SGCZ: variants seen among roughly 807,000 people sequenced by gnomAD.
The protein encoded by SGCZ is zeta-sarcoglycan.
A neutral mutation model predicts 41.3 loss-of-function variants in SGCZ; 40 were observed. The observed-to-expected ratio is 0.97, with a 90% CI of 0.75 to 1.26. SGCZ has a LOEUF of 1.26. Among genes scored for constraint, SGCZ ranks in the 50% most tolerant of loss-of-function variants. The probability of loss-of-function intolerance (pLI) is 0.00; values close to 1 mark genes in which losing one functional copy is unlikely to be tolerated. For synonymous variants in SGCZ, 206 were observed against 137.5 expected (o/e 1.50, Z -3.49); for missense variants, 552 against 369.8 (o/e 1.49, Z -4.04).
chr8:14,463,153 C>A (rs550340917), intron 2 of SGCZ, among the ~76,000 whole-genome samples: 1 of 151,378 alleles, frequency 6.6e-6, no homozygotes, highest in Non-Finnish European at 1.5e-5. Context: ...TTCTTCCTTT[C>A]CAATTTGTCA....
chr8:14,470,531 A>C (rs929181980), intron 2 of SGCZ, among the ~76,000 whole-genome samples: 2 of 152,142 alleles, frequency 1.3e-5, no homozygotes, highest in Non-Finnish European at 2.9e-5. Context: ...TTAATTCCAG[A>C]CCCAATATTC....
chr8:14,253,976 G>T (rs77688943), intron 3 of SGCZ, among the ~76,000 whole-genome samples: 3,051 of 151,844 alleles, frequency 0.02, 31 homozygotes, highest in East Asian at 0.035. Context: ...GCAATCTGAA[G>T]AACAAACATA....
intron 1 of SGCZ, among the ~76,000 whole-genome samples, chr8:15,103,507 G>T (rs1042738294): frequency 6.6e-6 from 1 of 152,090 alleles, no homozygotes; most frequent in Non-Finnish European, 1.5e-5. Context: ...AATAAAAAGA[G>T]AGAGTTATCA....
chr8:14,109,654 A>G (rs1802315354), intron 5 of SGCZ, among the ~76,000 whole-genome samples: 1 of 152,228 alleles, frequency 6.6e-6, no homozygotes, highest in Non-Finnish European at 1.5e-5. Context: ...TGAAATTGCC[A>G]CTAGGAAATT....
At chr8:14,747,703 A>ATTTG (rs1239445993) in intron 1 of SGCZ, among the ~76,000 whole-genome samples, 1 of 89,180 alleles carries the variant, frequency 1.1e-5, no homozygotes, top group East Asian at 3.0e-4. Flanking sequence ...GTGTGTGTGT[A>ATTTG]TTTGTGTGTG....
chr8:14,385,652 T>C (rs1804549524), intron 2 of SGCZ, among the ~76,000 whole-genome samples: 3 of 152,170 alleles, frequency 2.0e-5, no homozygotes, highest in Admixed American at 2.0e-4. Flanking sequence ...TTTTGTAACT[T>C]ATACTATGAG....
Position 15,210,417 on chromosome 8 carries a change from T to A in SGCZ, c.39+27168A>T, listed in dbSNP as rs534522621. Among the ~76,000 whole-genome samples the A allele has an allele frequency of 5.6e-4, 86 of 152,292 alleles. 1 individual carries two copies. The highest frequency in any genetic ancestry group is 3.4e-3 in the Middle Eastern group (1 of 294). ...TCTTCAGTTTCCGTAATACTGTTCC[T>A]TCTCCAATTTCCCACTGTGTCCTTT... On this transcript the variant is annotated intron_variant, in intron 1 of 7. Coordinates refer to ENST00000382080, the MANE Select transcript of SGCZ (RefSeq NM_139167.4).
At chr8:15,137,917 C>T (rs1442508518) in intron 1 of SGCZ, among the ~76,000 whole-genome samples, 1 of 152,256 alleles carries the variant, frequency 6.6e-6, no homozygotes, top group East Asian at 1.9e-4. Context: ...CCTCCAGACC[C>T]CAGAATGGTA....
At chr8:14,294,896 TAAC>T (rs1424700173) in intron 3 of SGCZ, among the ~76,000 whole-genome samples, 1 of 152,038 alleles carries the variant, frequency 6.6e-6, no homozygotes, top group Non-Finnish European at 1.5e-5. Context: ...ATAATAATAA[TAAC>T]AACAATTCTG....
At chr8:15,174,020 T>C (rs935407494) in intron 1 of SGCZ, among the ~76,000 whole-genome samples, 5 of 152,160 alleles carry the variant, frequency 3.3e-5, no homozygotes. Flanking sequence ...CTGCACCCGT[T>C]ATACTTTATT....
At chr8:14,946,674 T>C (rs528568655) in intron 1 of SGCZ, among the ~76,000 whole-genome samples, 30 of 107,416 alleles carry the variant, frequency 2.8e-4, no homozygotes, top group African/African-American at 8.7e-4. Context: ...TAGAAATCTG[T>C]ATTTTTTTTT....
intron 1 of SGCZ, among the ~76,000 whole-genome samples, chr8:14,915,725 G>A (rs551506402): frequency 6.6e-6 from 1 of 152,078 alleles, no homozygotes; most frequent in Non-Finnish European, 1.5e-5. Context: ...TCTCCAGCCT[G>A]CCTATAAAAT....
chr8:14,861,771 G>A (rs1438994023), intron 1 of SGCZ, among the ~76,000 whole-genome samples: 5 of 151,968 alleles, frequency 3.3e-5, no homozygotes, highest in Non-Finnish European at 7.4e-5. Context: ...GTGTTGCTAA[G>A]CTTCCCAACA....
At chr8:14,176,285 A>G (rs1400758854) in intron 4 of SGCZ, among the ~76,000 whole-genome samples, 1 of 152,220 alleles carries the variant, frequency 6.6e-6, no homozygotes, top group Non-Finnish European at 1.5e-5. Context: ...TGCAAATTTT[A>G]ACATATTACA....
At chr8:15,054,049 G>C (rs1203860048) in intron 1 of SGCZ, among the ~76,000 whole-genome samples, 2 of 152,158 alleles carry the variant, frequency 1.3e-5, no homozygotes, top group South Asian at 4.2e-4. Context: ...ACAGTAAAGG[G>C]ATGTAGCAAA....
At chr8:14,397,921 G>A (rs1798965208) in intron 2 of SGCZ, among the ~76,000 whole-genome samples, 1 of 152,056 alleles carries the variant, frequency 6.6e-6, no homozygotes, top group Non-Finnish European at 1.5e-5. Context: ...TCACTCCCCT[G>A]AGCCCTGCTC....
chr8:14,934,253 G>C (rs765050534), intron 1 of SGCZ, among the ~76,000 whole-genome samples: 3 of 151,870 alleles, frequency 2.0e-5, no homozygotes, highest in Non-Finnish European at 2.9e-5. Flanking sequence ...AGAAAGAATA[G>C]ACAGCAGAAT....
At chr8:14,824,248 A>G (rs1159660623) in intron 1 of SGCZ, among the ~76,000 whole-genome samples, 1 of 152,114 alleles carries the variant, frequency 6.6e-6, no homozygotes, top group Non-Finnish European at 1.5e-5. Flanking sequence ...GGGGCTCCTC[A>G]ATGTTCTCAC....
At chr8:14,384,237 T>C (rs1252138357) in intron 2 of SGCZ, among the ~76,000 whole-genome samples, 1 of 152,116 alleles carries the variant, frequency 6.6e-6, no homozygotes, top group Non-Finnish European at 1.5e-5. Flanking sequence ...GTCCTTGCGA[T>C]AGTTTGCTGA....
Sources: gnomAD v4.1 joint callset for allele counts (sites outside exome capture counted in the v4.1 genomes callset) on GRCh38, gnomAD v4.1.1 for gene constraint, MANE v1.5 for transcripts, NCBI Gene and HGNC (gene_info 2026-07-23, HGNC 2026-07-21) for gene names.